WDFY4: variants seen among roughly 807,000 people sequenced by gnomAD.
WDFY4 encodes WD repeat- and FYVE domain-containing protein 4.
In WDFY4, 169 loss-of-function variants were observed where a neutral mutation model predicts 351.9. The ratio of observed to expected loss-of-function variants is 0.48; its 90% confidence interval spans 0.42 to 0.55. The LOEUF is 0.55. Ranked by LOEUF, WDFY4 falls within the 20% of genes least tolerant of loss-of-function variation. The pLI is 0.00. For synonymous variants in WDFY4, 1,622 were observed against 1,574.6 expected, an observed-to-expected ratio of 1.03 and a Z score of -0.71; for missense variants, 3,803 against 3,935.6, an observed-to-expected ratio of 0.97 and a Z score of 0.90.
At chr10:48,763,553 G>T (rs2065577959) in intron 13 of WDFY4, among the ~76,000 whole-genome samples, 1 of 152,220 alleles carries the variant, frequency 6.6e-6, no homozygotes. Flanking sequence ...GCCTCTTACA[G>T]GCCTGGAAAC....
intron 44 of WDFY4, among the ~76,000 whole-genome samples, chr10:48,896,390 G>A (rs1233718251): frequency 1.3e-5 from 2 of 152,178 alleles, no homozygotes; most frequent in Non-Finnish European, 2.9e-5. Context: ...ATGTTTAGGG[G>A]CAGCTCAGCT....
chr10:48,842,977 G>A (rs187302448), intron 39 of WDFY4, among the ~76,000 whole-genome samples: 3 of 152,174 alleles, frequency 2.0e-5, no homozygotes, highest in Non-Finnish European at 2.9e-5. Flanking sequence ...TTTGCTTTTG[G>A]CAACAAGACT....
intron 39 of WDFY4, among the ~76,000 whole-genome samples, chr10:48,833,871 T>C (rs2068284863): frequency 6.6e-6 from 1 of 152,200 alleles, no homozygotes; most frequent in Non-Finnish European, 1.5e-5. Context: ...TCCCAGCTCT[T>C]GGCCCATGAA....
chr10:48,756,576 T>C (rs11101458), intron 12 of WDFY4, among the ~76,000 whole-genome samples: 18,379 of 152,020 alleles, frequency 0.12, 1,231 homozygotes, highest in Middle Eastern at 0.18. Context: ...GTCTTTGCCA[T>C]TGAATATAAC....
chr10:48,893,080 G>A (rs897337840), intron 44 of WDFY4, among the ~76,000 whole-genome samples: 5 of 152,188 alleles, frequency 3.3e-5, no homozygotes, highest in Admixed American at 3.3e-4. Context: ...GACTGCTCTA[G>A]GGAAGCCTCC....
intron 13 of WDFY4, among the ~76,000 whole-genome samples, chr10:48,771,829 C>A (rs1489063449): frequency 3.3e-5 from 5 of 152,210 alleles, no homozygotes; most frequent in Non-Finnish European, 5.9e-5. Context: ...AGAGCCACTT[C>A]ATTCTTGTTT....
intron 1 of WDFY4, among the ~76,000 whole-genome samples, chr10:48,690,666 C>T (rs1162249084): frequency 6.6e-6 from 1 of 152,094 alleles, no homozygotes; most frequent in Non-Finnish European, 1.5e-5. Flanking sequence ...GAGAGGAGGC[C>T]CTGGAGAAGG....
At chr10:48,947,819 A>C (rs1841125424) in intron 51 of WDFY4, among the ~76,000 whole-genome samples, 1 of 152,168 alleles carries the variant, frequency 6.6e-6, no homozygotes, top group South Asian at 2.1e-4. Context: ...CTCTAAAGAG[A>C]ATATAGCACA....
chr10:48,974,827 G>A, intron 57 of WDFY4, 35 bp from the exon 58 acceptor site: 3 of 1,484,138 alleles, frequency 2.0e-6, no homozygotes, highest in Non-Finnish European at 2.7e-6. Flanking sequence ...CTGAATTGAG[G>A]GTCCCTCTCC....
intron 13 of WDFY4, among the ~76,000 whole-genome samples, chr10:48,765,081 G>A (rs2065626103): frequency 6.6e-6 from 1 of 152,250 alleles, no homozygotes; most frequent in African/African-American, 2.4e-5. Flanking sequence ...ACACATGGAT[G>A]AAAAGGCTAA....
rs757961242 is a variant in WDFY4 at position 48,721,356 on chromosome 10, G to C, written c.445G>C (p.Gly149Arg). Residue 149 changes from glycine (G) to arginine (R), a missense_variant, in exon 4 of 62, where the codon GGG becomes CGG. Gly to Arg is a moderately radical substitution (Grantham distance 125, BLOSUM62 -2). Transcript: ENST00000325239. ...LLLKSVYVLT[G>R]TDSETLGRVA... ...CCTGAAGTCAGTGTACGTGCTCACGGGGACAGACTCGGTAAGTTTCAGACC... is the reference window on the plus strand; with the variant it reads ...CCTGAAGTCAGTGTACGTGCTCACGCGGACAGACTCGGTAAGTTTCAGACC... 8.4e-6 allele frequency: 13 copies of C among 1,551,514 alleles called. No individual in the cohort carries two copies. The African/African-American group carries it at 1.5e-4, about 18-fold the overall frequency.
chr10:48,823,334 G>A, intron 35 of WDFY4: 1 of 1,279,416 alleles, frequency 7.8e-7, no homozygotes, highest in Non-Finnish European at 1.0e-6. Flanking sequence ...CTGTTATCAA[G>A]CTGGGATCTA....
intron 47 of WDFY4, among the ~76,000 whole-genome samples, chr10:48,915,806 CT>C (rs1441302688): frequency 6.6e-6 from 1 of 152,166 alleles, no homozygotes; most frequent in Non-Finnish European, 1.5e-5. Flanking sequence ...GTTCTTAGCT[CT>C]TGGCAGCATT....
intron 47 of WDFY4, among the ~76,000 whole-genome samples, chr10:48,934,931 G>A (rs1318659307): frequency 1.3e-5 from 2 of 152,160 alleles, no homozygotes; most frequent in Non-Finnish European, 2.9e-5. Flanking sequence ...CCTGGCCCCC[G>A]AGGATGCCCA....
chr10:48,969,351 C>A, intron 56 of WDFY4, 103 bp downstream of exon 56: 3 of 1,364,382 alleles, frequency 2.2e-6, no homozygotes, highest in South Asian at 1.4e-5. Flanking sequence ...CAACCTCGCT[C>A]ACTTTCCCTA....
chr10:48,817,847 C>T (rs2067675977), intron 32 of WDFY4, among the ~76,000 whole-genome samples: 1 of 152,204 alleles, frequency 6.6e-6, no homozygotes, highest in African/African-American at 2.4e-5. Context: ...CTTGTGTGCC[C>T]TTCTAGGCAG....
intron 1 of WDFY4, among the ~76,000 whole-genome samples, chr10:48,697,619 C>T (rs927711568): frequency 1.3e-5 from 2 of 152,176 alleles, no homozygotes; most frequent in African/African-American, 4.8e-5. Context: ...TCTCCAGGGT[C>T]CCGCCTTCTT....
chr10:48,687,944 T>C (rs575576172), intron 1 of WDFY4, among the ~76,000 whole-genome samples: 63 of 152,100 alleles, frequency 4.1e-4, no homozygotes, highest in African/African-American at 1.4e-3. Context: ...ACCACATCTG[T>C]CTAATTTTTG....
chr10:48,933,465 T>C (rs989132648), intron 47 of WDFY4, among the ~76,000 whole-genome samples: 5 of 152,208 alleles, frequency 3.3e-5, no homozygotes, highest in African/African-American at 1.2e-4. Context: ...CAGATGGCTC[T>C]CTTGGCCGCC....
Sources: gnomAD v4.1 joint callset for allele counts (sites outside exome capture counted in the v4.1 genomes callset) on GRCh38, gnomAD v4.1.1 for gene constraint, MANE v1.5 for transcripts, NCBI Gene and HGNC (gene_info 2026-07-23, HGNC 2026-07-21) for gene names.